Variants in ZNF512B observed in about 807,000 individuals in gnomAD.
ZNF512B encodes zinc finger protein 512B.
A neutral mutation model predicts 87.8 loss-of-function variants in ZNF512B; 22 were observed. That is an observed-to-expected ratio of 0.25 (90% CI 0.18 to 0.36). ZNF512B has a LOEUF of 0.36. ZNF512B is among the 10% of genes least tolerant of loss of function. The probability of loss-of-function intolerance (pLI) is 1.00; values close to 1 mark genes in which losing one functional copy is unlikely to be tolerated. For synonymous variants in ZNF512B, 524 were observed against 490.9 expected (o/e 1.07, Z -0.89); for missense variants, 1,060 against 1,231.6 (o/e 0.86, Z 2.09).
At chr20:63,960,213 T>C in intron 16 of ZNF512B, 74 bp from the exon 17 acceptor site, 2 of 1,577,282 alleles carry the variant, frequency 1.3e-6, no homozygotes, top group East Asian at 2.3e-5. Flanking sequence ...GCCTGAGAGC[T>C]GAAGACCTGT....
rs1279048223 is a variant in ZNF512B, at chr20:63,964,333, G to A, written c.1320C>T (p.Thr440=). ...FTGEQPSISG[T]FGLKGLVKAE... ...CTGGGGTCTTACCTTTGAGCCCAAA[G>A]GTCCCTGAGATGGATGGCTGCTCCC... is the stretch of plus-strand genomic sequence containing the variant. Residue 440 remains threonine (T), a synonymous_variant, in exon 7 of 17, where the codon ACC becomes ACT. Coordinates refer to ENST00000369888, the MANE Select transcript of ZNF512B (RefSeq NM_020713.3). 3 of 1,613,930 alleles carry A rather than the reference G, an allele frequency of 1.9e-6. No individual in the cohort carries two copies. Among genetic ancestry groups the A allele is most frequent in the African/African-American group, 2.7e-5 (2 of 75,044 alleles).
In ZNF512B at chr20:63,961,550, T is replaced by G. The variant is rs79864192; in HGVS notation, c.2329-143A>C. 0.17 allele frequency: 128,382 copies of G among 765,572 alleles called. 12,263 individuals carry two copies. Among genetic ancestry groups the G allele is most frequent in the South Asian group, 0.28 (17,134 of 62,290 alleles). The allele number at this position is 765,572 out of a possible 1,614,324, so 47.4% of individuals were successfully genotyped here. A position where few individuals can be genotyped will look rare whatever the true frequency, so the allele number is the denominator to read the frequency against. On this transcript the variant is annotated intron_variant, in intron 15 of 16. Coordinates refer to ENST00000369888, the MANE Select transcript of ZNF512B (RefSeq NM_020713.3). The surrounding 1 kb of genome is among the most constrained non-coding windows in gnomAD (Gnocchi z 6.4). The stretch of plus-strand genomic sequence containing the variant: ...TGTGCCAGACAATGCAGGGGGCCAC[T>G]GAGTTACCAGGGCGGCAGGGGTGGT...
In ZNF512B at chr20:63,966,201, A is replaced by C. The variant is rs746036042; in HGVS notation, c.974T>G (p.Leu325Arg). ...SRHTPPCKMV[L>R]LTRSENKAPR... ...TGCTTTGTTCTCCGACCTGGTCAGC[A>C]GCACCATTTTGCAGGGCGGTGTGTG... The change falls in exon 5 of 17, where the codon CTG (leucine) becomes CGG (arginine). Residue 325 changes from leucine to arginine, a missense_variant. By Grantham distance (102) the Leu-to-Arg change is moderately radical. Around this residue, in one of 9 missense-constraint regions of ZNF512B, gnomAD observed 201 missense variants for 226.8 expected, o/e 0.89. Transcript: ENST00000369888. The C allele has an allele frequency of 6.2e-7, 1 of 1,613,926 alleles. No homozygotes were observed. Among genetic ancestry groups the C allele is most frequent in the East Asian group, 2.2e-5 (1 of 44,884 alleles).
Position 63,962,656 on chromosome 20 carries a change from C to G in ZNF512B, c.2094G>C (p.Ala698=). ...QVAVFHLQEI[A]EDELARDWTK... is the part of the protein sequence containing the mutation. The stretch of plus-strand genomic sequence containing the variant: ...TCCAGTCGCGGGCCAGCTCGTCCTC[C>G]GCTATCTCCTGCAGGTGGAACACCG... Residue 698 remains alanine (A), a synonymous_variant, in exon 13 of 17, where the codon GCG becomes GCC. Transcript: ENST00000369888. 6.2e-7 allele frequency: 1 copy of G among 1,606,658 alleles called. No homozygotes were observed. Among genetic ancestry groups the G allele is most frequent in the South Asian group, 1.1e-5 (1 of 90,162 alleles).
At position 63,962,393 on chromosome 20, in the gene ZNF512B, C is replaced by T; in HGVS notation, c.2164-19G>A. 6.2e-7 allele frequency: 1 copy of T among 1,603,254 alleles called. No individual in the cohort carries two copies. Among genetic ancestry groups the T allele is most frequent in the Non-Finnish European group, 8.5e-7 (1 of 1,176,256 alleles). On this transcript the variant is annotated intron_variant, in intron 13 of 16. Transcript: ENST00000369888. ...AGTTGAGCTGTGAATTCGACAGCAC[C>T]AGGGTGAGCCTGAGGCCAGAAGACA... is the stretch of plus-strand genomic sequence containing the variant.
intron 13 of ZNF512B, 91 bp downstream of exon 13, chr20:63,962,496 G>A: frequency 1.3e-6 from 2 of 1,555,304 alleles, no homozygotes; most frequent in Non-Finnish European, 8.7e-7. Context: ...GGTGGCCCAG[G>A]TCACAGCAGT....
chr20:63,963,917 T>G lies in ZNF512B; in HGVS notation c.1481-4A>C. The G allele has an allele frequency of 6.2e-7, 1 of 1,609,364 alleles. No homozygotes were observed. Among genetic ancestry groups the G allele is most frequent in the Non-Finnish European group, 8.5e-7 (1 of 1,179,968 alleles). On this transcript the variant is annotated splice_polypyrimidine_tract_variant and splice_region_variant and intron_variant, in intron 8 of 16. Coordinates refer to ENST00000369888, the MANE Select transcript of ZNF512B (RefSeq NM_020713.3). ...TGCCACTGCTCTTCAGGGCCACCTGTGGGTAAGGCAGGGGCCTCGAAGGCT... is the reference window on the plus strand; with the variant it reads ...TGCCACTGCTCTTCAGGGCCACCTGGGGGTAAGGCAGGGGCCTCGAAGGCT...
rs912843826 is a variant in ZNF512B, at chr20:63,964,502, G to A, written c.1249C>T (p.Arg417Cys). 6.8e-6 allele frequency: 11 copies of A among 1,612,750 alleles called. No individual in the cohort carries two copies. Among genetic ancestry groups the A allele is most frequent in the South Asian group, 1.1e-5 (1 of 91,066 alleles). ...GCTCTCATCTTACTGTGCTTTGTGC[G>A]CTCCGGGTCCTCCTCAGGCGGGGAC... ...PASPPEEDPE[R>C]TKHRRKQKTP... Residue 417 changes from arginine (R) to cysteine (C), a missense_variant, in exon 6 of 17, where the codon CGC (arginine) becomes TGC (cysteine). This residue lies in a region of ZNF512B where 212 missense variants were observed against 207.6 expected (regional missense o/e 1.02). Coordinates refer to ENST00000369888, the MANE Select transcript of ZNF512B (RefSeq NM_020713.3).
rs768184860 is a variant in ZNF512B, at chr20:63,959,934, C to A, written c.2633G>T (p.Gly878Val). The change falls in exon 17 of 17, where the codon GGC becomes GTC. Residue 878 changes from glycine (G) to valine (V), a missense_variant. Gly to Val is a moderately radical substitution (Grantham distance 109, BLOSUM62 -3). Around this residue, in one of 9 missense-constraint regions of ZNF512B, gnomAD observed 253 missense variants for 259.2 expected, o/e 0.98. Transcript: ENST00000369888. ...PPGCRDKGAR[G>V]STGRKVGVSK... ...GACTCCCACCTTCCGGCCGGTGGAG[C>A]CCCGGGCCCCCTTGTCTCTGCATCC... is the stretch of plus-strand genomic sequence containing the variant. The A allele has an allele frequency of 3.1e-6, 5 of 1,607,212 alleles. No homozygotes were observed. The highest frequency in any genetic ancestry group is 2.2e-5 in the South Asian group (2 of 90,896).
chr20:63,964,801 C>A (rs1411008367), intron 5 of ZNF512B, 85 bp from the exon 6 acceptor site: 2 of 1,562,010 alleles, frequency 1.3e-6, no homozygotes, highest in Admixed American at 1.8e-5. Flanking sequence ...AGCACCCTGA[C>A]CTGGAACGAG....
intron 10 of ZNF512B, 29 bp from the exon 11 acceptor site, chr20:63,963,469 G>A (rs759336830): frequency 2.8e-5 from 44 of 1,544,536 alleles, no homozygotes; most frequent in Admixed American, 2.3e-4. Flanking sequence ...TCGGTGACCC[G>A]GCACCATCGC....
rs926996533 is a variant in ZNF512B, at chr20:63,957,675, A to G, written c.*2213T>C. The G allele has an allele frequency of 6.5e-6, 1 of 152,732 alleles. No homozygotes were observed. Among genetic ancestry groups the G allele is most frequent in the Admixed American group, 6.5e-5 (1 of 15,288 alleles). 9.5% of individuals were successfully genotyped at this position (152,732 alleles called of 1,614,324 possible). On this transcript the variant is annotated 3_prime_UTR_variant, in exon 17 of 17. Transcript: ENST00000369888. ...GTGTCCCGGAAACTCACCCCCAGCA[A>G]AAACCAGACCCTCTTCTCTTCTCCC...
At position 63,961,547 on chromosome 20, in the gene ZNF512B, C is replaced by G; in HGVS notation, c.2329-140G>C. 1.3e-6 allele frequency: 1 copy of G among 786,192 alleles called. No homozygotes were observed. The highest frequency in any genetic ancestry group is 1.6e-5 in the South Asian group (1 of 63,612). 48.7% of individuals were successfully genotyped at this position (786,192 alleles called of 1,614,324 possible). On this transcript the variant is annotated intron_variant, in intron 15 of 16. Coordinates refer to ENST00000369888, the MANE Select transcript of ZNF512B (RefSeq NM_020713.3). The surrounding 1 kb of genome is among the most constrained non-coding windows in gnomAD (Gnocchi z 6.4). ...GTCTGTGCCAGACAATGCAGGGGGC[C>G]ACTGAGTTACCAGGGCGGCAGGGGT...
At position 63,962,323 on chromosome 20, in the gene ZNF512B, C is replaced by T; in HGVS notation, c.2215G>A (p.Ala739Thr). The T allele has an allele frequency of 1.9e-6, 3 of 1,612,972 alleles. No homozygotes were observed. The highest frequency in any genetic ancestry group is 1.7e-6 in the Non-Finnish European group (2 of 1,179,946). The change falls in exon 14 of 17, where the codon GCA becomes ACA. Residue 739 changes from alanine to threonine, a missense_variant. Physicochemically the swap from Ala to Thr is moderately conservative, Grantham distance 58 (BLOSUM62 0). Coordinates refer to ENST00000369888, the MANE Select transcript of ZNF512B (RefSeq NM_020713.3). ...LPTLNPQLLE[A>T]WKNEVKEKGH... ...TTCTCCTTCACTTCATTCTTCCATG[C>T]CTCTAGCAGCTGGGGGTTCAGCGTG... is the stretch of plus-strand genomic sequence containing the variant.
chr20:63,960,492 C>G (rs1307326378), intron 16 of ZNF512B, among the ~76,000 whole-genome samples: 1 of 140,212 alleles, frequency 7.1e-6, no homozygotes, highest in Non-Finnish European at 1.5e-5. Flanking sequence ...CCTTCAGGAC[C>G]AGGCAGGCAC....
chr20:63,961,371 A>G lies in ZNF512B; in HGVS notation c.2365T>C (p.Cys789Arg). 1 of 1,612,680 alleles carries G rather than the reference A, an allele frequency of 6.2e-7. No individual in the cohort carries two copies. ...HLAGKYRCLL[C>R]PKEFSSESGV... ...CTCTCAGAACTGAACTCCTTCGGAC[A>G]CAGCAGACAGCGGTACTTCCCTGCC... The change falls in exon 16 of 17, where the codon TGT becomes CGT. Residue 789 changes from cysteine to arginine, a missense_variant. By Grantham distance (180) the Cys-to-Arg change is radical. This residue lies in a region of ZNF512B where 253 missense variants were observed against 259.2 expected (regional missense o/e 0.98). Coordinates refer to ENST00000369888, the MANE Select transcript of ZNF512B (RefSeq NM_020713.3). The surrounding 1 kb of genome is among the most constrained non-coding windows in gnomAD (Gnocchi z 6.4).
intron 1 of ZNF512B, 132 bp from the exon 2 acceptor site, chr20:63,968,084 G>A: frequency 1.6e-6 from 2 of 1,214,410 alleles, no homozygotes; most frequent in African/African-American, 1.5e-5. Flanking sequence ...CTGTGGTTTT[G>A]TTCACGTGGG....
In ZNF512B at chr20:63,958,143, C is replaced by T. The variant is rs2058801216; in HGVS notation, c.*1745G>A. 1 of 152,216 alleles carries T rather than the reference C, an allele frequency of 6.6e-6. No individual in the cohort carries two copies. Among genetic ancestry groups the T allele is most frequent in the Non-Finnish European group, 1.5e-5 (1 of 68,064 alleles). The allele number at this position is 152,216 out of a possible 1,614,324, so 9.4% of individuals were successfully genotyped here. A position where few individuals can be genotyped will look rare whatever the true frequency, so the allele number is the denominator to read the frequency against. ...GGAAGTGTTCTGCAACCCCAGTCCC[C>T]AAAGTGCTCCTGGAACTTGTCTCCC... On this transcript the variant is annotated 3_prime_UTR_variant, in exon 17 of 17. Coordinates refer to ENST00000369888, the MANE Select transcript of ZNF512B (RefSeq NM_020713.3).
chr20:63,960,516 GGA>G (rs2058838919), intron 16 of ZNF512B, among the ~76,000 whole-genome samples: 1 of 135,242 alleles, frequency 7.4e-6, no homozygotes, highest in Non-Finnish European at 1.6e-5. Context: ...CCGCAGGGCT[GGA>G]CACAGCCTTC....
Sources: allele counts gnomAD v4.1 joint callset (sites outside exome capture counted in the v4.1 genomes callset), GRCh38; gene constraint gnomAD v4.1.1; regional missense constraint gnomAD v4.1.1; non-coding constraint Gnocchi (gnomAD v3.1); transcripts MANE v1.5; gene names NCBI Gene and HGNC (gene_info 2026-07-23, HGNC 2026-07-21).